IQGAP3: variants seen among roughly 807,000 people sequenced by gnomAD.
The protein encoded by IQGAP3 is IQ motif containing GTPase activating protein 3, also known as ras GTPase-activating-like protein IQGAP3.
IQGAP3 carries 165 observed loss-of-function variants against 208.2 expected under a neutral mutation model. That is an observed-to-expected ratio of 0.79 (90% CI 0.70 to 0.90). The LOEUF is 0.90. Ranked by LOEUF, IQGAP3 falls within the 40% of genes least tolerant of loss-of-function variation. The probability of loss-of-function intolerance (pLI) is 0.00; values close to 1 mark genes in which losing one functional copy is unlikely to be tolerated. For missense variants in IQGAP3, 1,811 were observed against 2,043.1 expected (o/e 0.89, Z 2.19); for synonymous variants, 703 against 803.6 (o/e 0.87, Z 2.12).
intron 1 of IQGAP3, among the ~76,000 whole-genome samples, chr1:156,571,185 A>C (rs1232780952): frequency 6.6e-6 from 1 of 152,222 alleles, no homozygotes; most frequent in Non-Finnish European, 1.5e-5. Flanking sequence ...CCTTAGTTAC[A>C]GTCTCCCTTA....
chr1:156,531,096 G>A (rs987825640), intron 33 of IQGAP3, 64 bp downstream of exon 33: 20 of 1,109,516 alleles, frequency 1.8e-5, no homozygotes, highest in Middle Eastern at 2.0e-4. Context: ...AAACAGCAGC[G>A]GTGCAGGTGG....
At chr1:156,537,892 ATT>A (rs201573278) in intron 26 of IQGAP3, among the ~76,000 whole-genome samples, 40 of 140,128 alleles carry the variant, frequency 2.9e-4, no homozygotes, top group East Asian at 4.1e-4. Flanking sequence ...CTCCCAGCAA[ATT>A]TTTTTTTTTT....
At chr1:156,544,249 GC>G (rs747940765) in intron 20 of IQGAP3, 26 bp from the exon 21 acceptor site, 1 of 1,612,822 alleles carries the variant, frequency 6.2e-7, no homozygotes, top group South Asian at 1.1e-5. Flanking sequence ...CACTGCCTCA[GC>G]TCCAGCTTGG....
intron 2 of IQGAP3, 60 bp from the exon 3 acceptor site, chr1:156,566,606 A>G: frequency 6.5e-7 from 1 of 1,539,134 alleles, no homozygotes; most frequent in Non-Finnish European, 8.9e-7. Flanking sequence ...TTATTCTAAC[A>G]ACAGGAACTT....
chr1:156,548,302 GAC>G, intron 18 of IQGAP3, 44 bp downstream of exon 18: 1 of 1,609,542 alleles, frequency 6.2e-7, no homozygotes, highest in Non-Finnish European at 8.5e-7. Flanking sequence ...TCTTCTTCAG[GAC>G]ATTCCTATCC....
intron 2 of IQGAP3, among the ~76,000 whole-genome samples, chr1:156,567,008 C>T (rs1676431182): frequency 6.6e-6 from 1 of 152,028 alleles, no homozygotes; most frequent in African/African-American, 2.4e-5. Flanking sequence ...GTTGGGATTA[C>T]AGGCACACCC....
At chr1:156,529,112 G>A (rs1674257628) in intron 34 of IQGAP3, 30 bp from the exon 35 acceptor site, 1 of 1,610,518 alleles carries the variant, frequency 6.2e-7, no homozygotes, top group Admixed American at 1.7e-5. Flanking sequence ...GGAGGGATGA[G>A]TGGTCCTTCC....
rs777000341 is a variant in IQGAP3, at chr1:156,562,653, T to C, written c.811A>G (p.Ser271Gly). Residue 271 changes from serine (S) to glycine (G), a missense_variant, in exon 9 of 38, where the codon AGC becomes GGC. Coordinates refer to ENST00000361170, the MANE Select transcript of IQGAP3 (RefSeq NM_178229.5). ...ANARNHDDRESQDIYDHYLTQ... is the reference protein window; with the variant it reads ...ANARNHDDREGQDIYDHYLTQ... ...AGGTAGTGGTCATAGATGTCCTGGC[T>C]TTCTCTGTCATCCTGCAAAAACTCC... 2.5e-6 allele frequency: 4 copies of C among 1,614,046 alleles called. No individual in the cohort carries two copies. Among genetic ancestry groups the C allele is most frequent in the Non-Finnish European group, 3.4e-6 (4 of 1,179,882 alleles).
chr1:156,561,829 G>C lies in IQGAP3; in HGVS notation c.1041+9C>G, dbSNP rs745851118. 6.2e-7 allele frequency: 1 copy of C among 1,613,726 alleles called. No homozygotes were observed. The highest frequency in any genetic ancestry group is 8.5e-7 in the Non-Finnish European group (1 of 1,179,790). On this transcript the variant is annotated intron_variant, in intron 10 of 37. Transcript: ENST00000361170. ...TACAGGGGGTGGCAGGTAATAGACA[G>C]AGGCTAACCTGTGCCTTCTGCTCTC...
rs1182288433 is a variant in IQGAP3, at chr1:156,531,224, A to T, written c.4127T>A (p.Ile1376Asn). The T allele has an allele frequency of 1.2e-6, 2 of 1,613,822 alleles. No individual in the cohort carries two copies. Among genetic ancestry groups the T allele is most frequent in the African/African-American group, 1.3e-5 (1 of 74,986 alleles). The change falls in exon 33 of 38, where the codon ATC becomes AAC. Residue 1376 changes from isoleucine (I) to asparagine (N), a missense_variant. Coordinates refer to ENST00000361170, the MANE Select transcript of IQGAP3 (RefSeq NM_178229.5). ...LLSTKQLLAD[I>N]IQFHPGDTLK... ...GGTGTCCCCAGGATGGAACTGTATG[A>T]TATCGGCCAACAGCTGCTTGGTGCT...
chr1:156,529,076 G>A lies in IQGAP3; in HGVS notation c.4411C>T (p.Arg1471Cys), dbSNP rs748938834. The A allele has an allele frequency of 5.6e-6, 9 of 1,613,960 alleles. No individual in the cohort carries two copies. Among genetic ancestry groups the A allele is most frequent in the East Asian group, 4.5e-5 (2 of 44,888 alleles). The change falls in exon 35 of 38, where the codon CGC (arginine) becomes TGC (cysteine). Residue 1471 changes from arginine to cysteine, a missense_variant. Arg to Cys is a radical substitution (Grantham distance 180). Transcript: ENST00000361170. ...GLVDELAKDI[R>C]NQHRHRHRRK... is the part of the protein sequence containing the mutation. ...CTGTGCCTGTGTCTGTGCTGGTTGC[G>A]GATGTCCTGGGGTTGGGGAACAGAT...
chr1:156,564,785 A>G, intron 4 of IQGAP3, 94 bp from the exon 5 acceptor site: 1 of 854,170 alleles, frequency 1.2e-6, no homozygotes. Context: ...TTCCTCTCCA[A>G]CCTGAGGTGT....
intron 32 of IQGAP3, 120 bp downstream of exon 32, chr1:156,532,860 T>G: frequency 9.3e-7 from 1 of 1,072,016 alleles, no homozygotes; most frequent in Non-Finnish European, 1.4e-6. Flanking sequence ...CAGGGAGAAC[T>G]TCCTGAAGGA....
chr1:156,555,734 A>T (rs952042918), intron 12 of IQGAP3, among the ~76,000 whole-genome samples: 5 of 152,236 alleles, frequency 3.3e-5, no homozygotes, highest in Non-Finnish European at 5.9e-5. Flanking sequence ...AGAGAAAGTA[A>T]TTAACTTGCC....
In IQGAP3 at chr1:156,544,319, G is replaced by A. The variant is rs935151983; in HGVS notation, c.2388+70C>T. 1.2e-5 allele frequency: 19 copies of A among 1,562,376 alleles called. No individual in the cohort carries two copies. The East Asian group carries it at 4.3e-4, about 35-fold the overall frequency. The stretch of plus-strand genomic sequence containing the variant: ...CTAAATCTAGAGGTCACAAGAAGGT[G>A]ACAAGACTACAAGATTGTTCTCAGA... On this transcript the variant is annotated intron_variant, in intron 20 of 37. Coordinates refer to ENST00000361170, the MANE Select transcript of IQGAP3 (RefSeq NM_178229.5).
At position 156,526,559 on chromosome 1, in the gene IQGAP3, T is replaced by C. The variant is rs1234245424; in HGVS notation, c.4823A>G (p.Lys1608Arg). The change falls in exon 38 of 38, where the codon AAA (lysine) becomes AGA (arginine). Residue 1608 changes from lysine to arginine, a missense_variant. Lys to Arg is a conservative substitution (Grantham distance 26). Coordinates refer to ENST00000361170, the MANE Select transcript of IQGAP3 (RefSeq NM_178229.5). Reference sequence around the variant, plus strand: ...ATTGACTTTGGCCTTGTTGAAGAGTTTCATGACAGCCACACCCTCATACTG... The same window carrying C: ...ATTGACTTTGGCCTTGTTGAAGAGTCTCATGACAGCCACACCCTCATACTG... ...QLQYEGVAVM[K>R]LFNKAKVNVN... 3.1e-6 allele frequency: 5 copies of C among 1,614,002 alleles called. No homozygotes were observed. The highest frequency in any genetic ancestry group is 1.3e-5 in the African/African-American group (1 of 74,914).
chr1:156,572,512 C>T lies in IQGAP3; in HGVS notation c.18G>A (p.Ala6=), dbSNP rs747103489. The T allele has an allele frequency of 4.3e-6, 7 of 1,612,266 alleles. No individual in the cohort carries two copies. In the South Asian group the frequency reaches 6.6e-5, roughly 15 times the overall value. The change falls in exon 1 of 38, where the codon GCG becomes GCA. Residue 6 remains alanine (A), a synonymous_variant. Transcript: ENST00000361170. MERRA[A]GPGWAAYERL... is the part of the protein sequence containing the mutation. ...ACTCACAGGCTGCCCAGCCTGGGCC[C>T]GCTGCTCTCCTCTCCATGTTCCTCC...
chr1:156,552,324 T>G (rs1379880605), intron 13 of IQGAP3, among the ~76,000 whole-genome samples: 1 of 152,210 alleles, frequency 6.6e-6, no homozygotes, highest in Non-Finnish European at 1.5e-5. Flanking sequence ...TCTCTCTCCA[T>G]ACTTACATTG....
intron 23 of IQGAP3, 54 bp downstream of exon 23, chr1:156,540,654 A>C: frequency 6.8e-7 from 1 of 1,481,440 alleles, no homozygotes; most frequent in Non-Finnish European, 9.4e-7. Flanking sequence ...GGTCAGCATC[A>C]CATCTCCAGA....
Sources: allele counts gnomAD v4.1 joint callset (sites outside exome capture counted in the v4.1 genomes callset), GRCh38; gene constraint gnomAD v4.1.1; transcripts MANE v1.5; gene names NCBI Gene and HGNC (gene_info 2026-07-23, HGNC 2026-07-21).